The following MAP4K5 variants were observed in gnomAD, a reference collection of about 807,000 sequenced individuals.
MAP4K5 encodes the protein mitogen-activated protein kinase kinase kinase kinase 5.
A neutral mutation model predicts 135.6 loss-of-function variants in MAP4K5; 82 were observed. The ratio of observed to expected loss-of-function variants is 0.60; its 90% confidence interval spans 0.51 to 0.73. The LOEUF (loss-of-function observed/expected upper bound fraction) is 0.73, where lower values mean the gene tolerates loss of function less well. Among genes scored for constraint, MAP4K5 ranks in the 30% least tolerant of loss-of-function variants. The pLI, the probability that MAP4K5 is intolerant of heterozygous loss-of-function variation, is 0.00. For missense variants in MAP4K5, 907 were observed against 1,010.9 expected, an observed-to-expected ratio of 0.90 and a Z score of 1.39; for synonymous variants, 347 against 335.0, an observed-to-expected ratio of 1.04 and a Z score of -0.39.
At chr14:50,440,107 TGTC>T (rs1240157862) in intron 22 of MAP4K5, 34 bp from the exon 23 acceptor site, 1 of 1,230,442 alleles carries the variant, frequency 8.1e-7, no homozygotes, top group South Asian at 1.4e-5. Context: ...ATTCTCTCAT[TGTC>T]ATTATTTTAA....
chr14:50,483,689 T>G lies in MAP4K5; in HGVS notation c.323-1273A>C, dbSNP rs1204343715. Among the ~76,000 whole-genome samples the G allele has an allele frequency of 4.4e-5, 6 of 135,098 alleles. No homozygotes were observed. In the Admixed American group the frequency reaches 4.4e-4, roughly 10 times the overall value. The allele number at this position is 135,098 out of a possible 152,430, so 88.6% of individuals were successfully genotyped here. ...TCAGAATTTCATGAAAAAATAAAAT[T>G]AATGTTTCAAAGCTATTCTTTAAAC... On this transcript the variant is annotated intron_variant, in intron 5 of 32. Transcript: ENST00000682126.
intron 13 of MAP4K5, among the ~76,000 whole-genome samples, chr14:50,458,394 A>G (rs1385723450): frequency 6.6e-6 from 1 of 152,068 alleles, no homozygotes; most frequent in Non-Finnish European, 1.5e-5. Flanking sequence ...ATCCTTCTCC[A>G]GCTTATTCTC....
upstream of MAP4K5, among the ~76,000 whole-genome samples, chr14:50,536,040 G>T (rs1263946710): frequency 6.6e-6 from 1 of 152,246 alleles, no homozygotes; most frequent in Non-Finnish European, 1.5e-5. Flanking sequence ...CCTCTGCCAT[G>T]ATTGTGAGGC....
At position 50,506,663 on chromosome 14, in the gene MAP4K5, A is replaced by G. The variant is rs2037816364; in HGVS notation, c.109-1806T>C. Among the ~76,000 whole-genome samples the G allele has an allele frequency of 3.3e-5, 5 of 152,222 alleles. No individual in the cohort carries two copies. In the South Asian group the frequency reaches 1.0e-3, roughly 32 times the overall value. ...AACCACCAGGCCTGGCAAGAAAATA[A>G]TTTTCAACAGCAGAAGTTGCAACTA... On this transcript the variant is annotated intron_variant, in intron 2 of 32. Coordinates refer to ENST00000682126, the MANE Select transcript of MAP4K5 (RefSeq NM_006575.6).
chr14:50,447,921 GCA>G (rs2036393378), intron 15 of MAP4K5, among the ~76,000 whole-genome samples: 1 of 152,146 alleles, frequency 6.6e-6, no homozygotes, highest in Admixed American at 6.5e-5. Flanking sequence ...AGTAAGAAGA[GCA>G]CTACTTCCAA....
chr14:50,539,476 T>C (rs1212823075), intron 2 of MAP4K5, among the ~76,000 whole-genome samples: 1 of 152,212 alleles, frequency 6.6e-6, no homozygotes, highest in East Asian at 1.9e-4. Flanking sequence ...AAGATATGGC[T>C]GAGGACCAAG....
At chr14:50,461,171 G>C (rs145991799) in intron 13 of MAP4K5, among the ~76,000 whole-genome samples, 1 of 151,882 alleles carries the variant, frequency 6.6e-6, no homozygotes, top group Admixed American at 6.6e-5. Flanking sequence ...GACTACAGGC[G>C]CCTGCCATCA....
intron 3 of MAP4K5, among the ~76,000 whole-genome samples, chr14:50,502,945 AG>A (rs1017414998): frequency 6.6e-6 from 1 of 152,034 alleles, no homozygotes; most frequent in Admixed American, 6.6e-5. Context: ...AAATTTTGGA[AG>A]GAAAAAAAGG....
In MAP4K5 at chr14:50,515,445, T is replaced by A. The variant is rs1364609705; in HGVS notation, c.109-10588A>T. 4.6e-5 allele frequency among the ~76,000 whole-genome samples: 7 copies of A among 152,192 alleles called. No individual in the cohort carries two copies. In the South Asian group the frequency reaches 1.5e-3, roughly 32 times the overall value. ...ATCAATTTGCCAATGCATTTCTCCA[T>A]GACCACCAATTATTTCTCTCAACTC... On this transcript the variant is annotated intron_variant, in intron 2 of 32. Coordinates refer to ENST00000682126, the MANE Select transcript of MAP4K5 (RefSeq NM_006575.6).
At chr14:50,442,382 C>G (rs1479672412) in intron 21 of MAP4K5, among the ~76,000 whole-genome samples, 1 of 152,002 alleles carries the variant, frequency 6.6e-6, no homozygotes, top group East Asian at 1.9e-4. Context: ...CATATAACCA[C>G]AAGACATTAA....
At chr14:50,466,396 A>C (rs985023565) in intron 11 of MAP4K5, among the ~76,000 whole-genome samples, 187 bp downstream of exon 11, 4 of 151,444 alleles carry the variant, frequency 2.6e-5, no homozygotes, top group African/African-American at 9.7e-5. Context: ...AAAAAAAAAA[A>C]AAAAAAAAAC....
At chr14:50,506,160 C>T (rs2037805265) in intron 2 of MAP4K5, among the ~76,000 whole-genome samples, 1 of 151,690 alleles carries the variant, frequency 6.6e-6, no homozygotes, top group Non-Finnish European at 1.5e-5. Context: ...ACTAATCTGC[C>T]AAATTAAATA....
intron 9 of MAP4K5, among the ~76,000 whole-genome samples, chr14:50,474,723 T>G (rs1445988638): frequency 6.6e-6 from 1 of 152,120 alleles, no homozygotes; most frequent in Non-Finnish European, 1.5e-5. Flanking sequence ...ATCCTGCACA[T>G]GTACCCTGCA....
intron 1 of MAP4K5, among the ~76,000 whole-genome samples, chr14:50,551,670 A>G (rs1167394106): frequency 6.6e-6 from 1 of 152,230 alleles, no homozygotes; most frequent in Non-Finnish European, 1.5e-5. Context: ...CAAAAAGATA[A>G]TATACATGAT....
chr14:50,508,624 G>A (rs1031990438), intron 2 of MAP4K5, among the ~76,000 whole-genome samples: 2 of 151,934 alleles, frequency 1.3e-5, no homozygotes, highest in Non-Finnish European at 2.9e-5. Context: ...TAAATGAAGA[G>A]TTAATGGGTG....
chr14:50,494,176 T>C (rs1054518266), intron 3 of MAP4K5, among the ~76,000 whole-genome samples: 1 of 151,648 alleles, frequency 6.6e-6, no homozygotes, highest in Non-Finnish European at 1.5e-5. Context: ...TTTTATTTAT[T>C]TATTTTTTTT....
intron 2 of MAP4K5, among the ~76,000 whole-genome samples, chr14:50,523,559 G>A (rs547725285): frequency 6.6e-6 from 1 of 152,124 alleles, no homozygotes; most frequent in Non-Finnish European, 1.5e-5. Context: ...CCTTTTCAAT[G>A]AGGCCTACCC....
At chr14:50,439,820 A>G (rs1036721735) in intron 23 of MAP4K5, among the ~76,000 whole-genome samples, 193 bp downstream of exon 23, 1 of 152,078 alleles carries the variant, frequency 6.6e-6, no homozygotes, top group Non-Finnish European at 1.5e-5. Context: ...TGGAAAGTGC[A>G]GCCCTAACTG....
chr14:50,429,464 GA>G (rs1468829570), intron 28 of MAP4K5, among the ~76,000 whole-genome samples: 1 of 152,046 alleles, frequency 6.6e-6, no homozygotes, highest in Non-Finnish European at 1.5e-5. Context: ...TAACTCAGCT[GA>G]AAAAAACCTC....
Sources: allele counts gnomAD v4.1 joint callset (sites outside exome capture counted in the v4.1 genomes callset), GRCh38; gene constraint gnomAD v4.1.1; transcripts MANE v1.5; gene names NCBI Gene and HGNC (gene_info 2026-07-23, HGNC 2026-07-21).